Variants in KCNH1 observed in about 807,000 individuals in gnomAD.
KCNH1 encodes the protein voltage-gated delayed rectifier potassium channel KCNH1.
Under a neutral mutation model 69.2 loss-of-function variants are expected in KCNH1, and 27 were observed. The ratio of observed to expected loss-of-function variants is 0.39; its 90% confidence interval spans 0.29 to 0.54. The LOEUF (loss-of-function observed/expected upper bound fraction) is 0.54, where lower values mean the gene tolerates loss of function less well. Among genes scored for constraint, KCNH1 ranks in the 20% least tolerant of loss-of-function variants. The pLI is 0.68. For synonymous variants in KCNH1, 456 were observed against 487.7 expected, an observed-to-expected ratio of 0.93 and a Z score of 0.86; for missense variants, 798 against 1,261.6, an observed-to-expected ratio of 0.63 and a Z score of 5.57.
intron 10 of KCNH1, among the ~76,000 whole-genome samples, chr1:210,737,228 C>T (rs754267647): frequency 8.5e-5 from 13 of 152,082 alleles, no homozygotes; most frequent in Non-Finnish European, 1.8e-4. Flanking sequence ...GTGGTTCAGT[C>T]ACAGAGTAAC....
At chr1:210,821,197 C>A (rs955062848) in intron 7 of KCNH1, among the ~76,000 whole-genome samples, 3 of 152,084 alleles carry the variant, frequency 2.0e-5, no homozygotes, top group Admixed American at 6.6e-5. Flanking sequence ...GGTGGCCTAC[C>A]AAAGGCCCCA....
At chr1:210,797,116 G>A (rs1474456088) in intron 9 of KCNH1, among the ~76,000 whole-genome samples, 1 of 151,932 alleles carries the variant, frequency 6.6e-6, no homozygotes, top group African/African-American at 2.4e-5. Context: ...CCTCTTTTTA[G>A]GATACTTCAT....
intron 10 of KCNH1, among the ~76,000 whole-genome samples, chr1:210,710,573 A>T (rs1230678216): frequency 1.3e-5 from 2 of 152,178 alleles, no homozygotes; most frequent in Non-Finnish European, 2.9e-5. Context: ...CAGCTCCATT[A>T]TAATCTTATG....
At chr1:211,097,687 C>T (rs34247884) in intron 3 of KCNH1, among the ~76,000 whole-genome samples, 33,198 of 152,092 alleles carry the variant, frequency 0.22, 3,715 homozygotes, top group African/African-American at 0.23. Flanking sequence ...TGTGACCCAC[C>T]GGGTCTGGCA....
At chr1:211,108,227 A>G (rs970398045) in intron 1 of KCNH1, among the ~76,000 whole-genome samples, 3 of 152,140 alleles carry the variant, frequency 2.0e-5, no homozygotes, top group African/African-American at 7.2e-5. Flanking sequence ...CTTTCTTTTC[A>G]AGCATTTCAA....
chr1:210,849,998 T>C (rs928536434), intron 7 of KCNH1, among the ~76,000 whole-genome samples: 1 of 151,716 alleles, frequency 6.6e-6, no homozygotes, highest in Admixed American at 6.6e-5. Context: ...TAAAAAAGAA[T>C]AAAATGTGGG....
At chr1:210,995,838 C>G (rs1300460529) in intron 6 of KCNH1, among the ~76,000 whole-genome samples, 1 of 152,082 alleles carries the variant, frequency 6.6e-6, no homozygotes, top group Non-Finnish European at 1.5e-5. Flanking sequence ...GACCATGGAT[C>G]TGTAGTAAAA....
chr1:210,882,812 T>G (rs1279642541), intron 7 of KCNH1, among the ~76,000 whole-genome samples: 2 of 152,180 alleles, frequency 1.3e-5, no homozygotes, highest in Non-Finnish European at 2.9e-5. Context: ...GATGCTTGCA[T>G]CTAAACTACA....
chr1:210,683,428 G>A lies in KCNH1; in HGVS notation c.2823C>T (p.Asn941=), dbSNP rs143091808. The A allele has an allele frequency of 8.0e-4, 1,291 of 1,614,122 alleles. 4 individuals carry two copies. The highest frequency in any genetic ancestry group is 1.6e-3 in the African/African-American group (120 of 75,020). The change falls in exon 11 of 11, where the codon AAC becomes AAT. Residue 941 remains asparagine, a synonymous_variant. Coordinates refer to ENST00000271751, the MANE Select transcript of KCNH1 (RefSeq NM_172362.3). The surrounding 1 kb of genome is among the most constrained non-coding windows in gnomAD (Gnocchi z 5.7). ...GTTTCTCAATATTGGTCATTTTGGC[G>A]TTTAAGGCCTTGATGTCCTCCTTCA... ...HELKEDIKAL[N]AKMTNIEKQL...
intron 5 of KCNH1, among the ~76,000 whole-genome samples, chr1:211,054,910 C>T (rs1256287018): frequency 6.6e-6 from 1 of 151,918 alleles, no homozygotes; most frequent in African/African-American, 2.4e-5. Context: ...AGCAGATAAA[C>T]AAAACACAAA....
At chr1:210,852,755 T>C (rs1417115144) in intron 7 of KCNH1, among the ~76,000 whole-genome samples, 2 of 152,174 alleles carry the variant, frequency 1.3e-5, no homozygotes, top group Non-Finnish European at 2.9e-5. Context: ...TTAAAATCAT[T>C]CCATGGTTCC....
chr1:211,021,715 G>A (rs1689589078), intron 5 of KCNH1, among the ~76,000 whole-genome samples: 1 of 151,386 alleles, frequency 6.6e-6, no homozygotes, highest in African/African-American at 2.4e-5. Flanking sequence ...TGAAATCAAA[G>A]GAACAATTCC....
intron 7 of KCNH1, among the ~76,000 whole-genome samples, chr1:210,809,755 G>A (rs1365626660): frequency 6.6e-6 from 1 of 152,212 alleles, no homozygotes; most frequent in Non-Finnish European, 1.5e-5. Flanking sequence ...CAGCATCAGT[G>A]ATTATCAGTG....
chr1:210,882,106 G>A (rs1488885654), intron 7 of KCNH1, among the ~76,000 whole-genome samples: 1 of 152,154 alleles, frequency 6.6e-6, no homozygotes, highest in Admixed American at 6.5e-5. Context: ...ATTGATAATG[G>A]TGGAGGCTGT....
intron 8 of KCNH1, among the ~76,000 whole-genome samples, chr1:210,800,178 G>A (rs944379532): frequency 1.3e-5 from 2 of 152,234 alleles, no homozygotes; most frequent in African/African-American, 2.4e-5. Flanking sequence ...ACAGACACAG[G>A]ACAGACCAAG....
chr1:211,097,546 A>G (rs776208424), intron 3 of KCNH1, among the ~76,000 whole-genome samples: 1 of 152,264 alleles, frequency 6.6e-6, no homozygotes, highest in Non-Finnish European at 1.5e-5. Context: ...AGCAGCTCCT[A>G]TCACTGAATA....
intron 5 of KCNH1, among the ~76,000 whole-genome samples, chr1:211,064,930 G>A (rs1380156029): frequency 2.6e-5 from 4 of 152,070 alleles, no homozygotes; most frequent in Admixed American, 2.0e-4. Flanking sequence ...TTTAAATCAC[G>A]ATGAGATACC....
At chr1:211,027,162 C>G (rs1481904557) in intron 5 of KCNH1, among the ~76,000 whole-genome samples, 1 of 151,974 alleles carries the variant, frequency 6.6e-6, no homozygotes, top group Non-Finnish European at 1.5e-5. Context: ...GATTTTTGAA[C>G]AGCCATCATA....
chr1:210,860,588 T>C, intron 7 of KCNH1: 2 of 855,184 alleles, frequency 2.3e-6, no homozygotes, highest in East Asian at 2.4e-5. Context: ...TCACAGATCA[T>C]TTTCTGAATT....
Sources: gnomAD v4.1 joint callset for allele counts (sites outside exome capture counted in the v4.1 genomes callset) on GRCh38, gnomAD v4.1.1 for gene constraint, Gnocchi (gnomAD v3.1) non-coding constraint, MANE v1.5 for transcripts, NCBI Gene and HGNC (gene_info 2026-07-23, HGNC 2026-07-21) for gene names.